CHCHD6: variants seen among roughly 807,000 people sequenced by gnomAD.
CHCHD6 encodes coiled-coil-helix-coiled-coil-helix domain containing 6, also known as MICOS complex subunit MIC25.
CHCHD6 carries 28 observed loss-of-function variants against 32.3 expected under a neutral mutation model. The observed-to-expected ratio is 0.87, with a 90% CI of 0.64 to 1.19. The LOEUF (loss-of-function observed/expected upper bound fraction) is 1.19. Ranked by LOEUF, CHCHD6 falls within the 50% of genes most tolerant of loss-of-function variation. The pLI is 0.00. For synonymous variants in CHCHD6, 122 were observed against 117.5 expected, an observed-to-expected ratio of 1.04 and a Z score of -0.25; for missense variants, 333 against 307.0, an observed-to-expected ratio of 1.08 and a Z score of -0.63.
chr3:126,839,236 G>A lies in CHCHD6; in HGVS notation c.412-13411G>A, dbSNP rs541549128. ...TTTACTCTGTGTCACTTGGAATAAA[G>A]CGGTAACACAATTTAGCCCCTAGCC... On this transcript the variant is annotated intron_variant, in intron 4 of 7. Coordinates refer to ENST00000290913, the MANE Select transcript of CHCHD6 (RefSeq NM_032343.3). Among the ~76,000 whole-genome samples, 20 of 152,222 alleles carry A rather than the reference G, an allele frequency of 1.3e-4. No homozygotes were observed. In the East Asian group the frequency reaches 3.5e-3, roughly 26 times the overall value.
intron 4 of CHCHD6, among the ~76,000 whole-genome samples, chr3:126,831,276 C>T (rs376029419): frequency 6.6e-6 from 1 of 152,088 alleles, no homozygotes; most frequent in Non-Finnish European, 1.5e-5. Context: ...CCGCCCACCT[C>T]GGCCTCCCAA....
intron 5 of CHCHD6, among the ~76,000 whole-genome samples, chr3:126,893,593 T>C (rs2077795939): frequency 6.6e-6 from 1 of 152,224 alleles, no homozygotes; most frequent in Admixed American, 6.5e-5. Context: ...AATGCAATGA[T>C]AGCAGGGCTC....
intron 4 of CHCHD6, among the ~76,000 whole-genome samples, chr3:126,754,612 T>C (rs1181818106): frequency 6.6e-6 from 1 of 152,210 alleles, no homozygotes; most frequent in Non-Finnish European, 1.5e-5. Flanking sequence ...AGGCTGCCTC[T>C]AACAGCTCGG....
chr3:126,805,897 A>ACTG lies in CHCHD6; in HGVS notation c.412-46749_412-46748insTGC, dbSNP rs1209850024. On this transcript the variant is annotated intron_variant, in intron 4 of 7. Transcript: ENST00000290913. ...GAACAGAGCCCTCAGAAATAATGCC[A>ACTG]CATATCTACAACTATTGATCTTTGA... is the stretch of plus-strand genomic sequence containing the variant. 3.3e-5 allele frequency among the ~76,000 whole-genome samples: 5 copies of ACTG among 152,308 alleles called. No individual in the cohort carries two copies. In the East Asian group the frequency reaches 9.6e-4, roughly 29 times the overall value.
At chr3:126,887,705 G>A (rs923893270) in intron 5 of CHCHD6, among the ~76,000 whole-genome samples, 1 of 152,134 alleles carries the variant, frequency 6.6e-6, no homozygotes, top group Non-Finnish European at 1.5e-5. Flanking sequence ...TGATGTCCCC[G>A]CTTCCCGGTG....
intron 5 of CHCHD6, among the ~76,000 whole-genome samples, chr3:126,899,790 C>G (rs915254676): frequency 3.2e-4 from 48 of 152,210 alleles, no homozygotes; most frequent in African/African-American, 1.1e-3. Context: ...GAGAGGAAAA[C>G]CATGCTTAGC....
At chr3:126,812,674 T>C (rs1939715414) in intron 4 of CHCHD6, among the ~76,000 whole-genome samples, 1 of 152,010 alleles carries the variant, frequency 6.6e-6, no homozygotes, top group African/African-American at 2.4e-5. Flanking sequence ...TCAGGTAATC[T>C]GCCTACCTCA....
chr3:126,743,653 C>G (rs914756189), intron 4 of CHCHD6, among the ~76,000 whole-genome samples: 60 of 152,180 alleles, frequency 3.9e-4, no homozygotes, highest in African/African-American at 1.4e-3. Flanking sequence ...CTCAGCTAGG[C>G]TCCTTGGCCT....
At chr3:126,801,413 C>A (rs78498571) in intron 4 of CHCHD6, among the ~76,000 whole-genome samples, 3 of 152,230 alleles carry the variant, frequency 2.0e-5, no homozygotes, top group Non-Finnish European at 4.4e-5. Flanking sequence ...GATTATATCC[C>A]GCACCTGGCT....
intron 2 of CHCHD6, among the ~76,000 whole-genome samples, chr3:126,727,974 TA>T (rs35326256): frequency 0.013 from 1,920 of 144,014 alleles, 26 homozygotes; most frequent in African/African-American, 0.038. Flanking sequence ...GTAACTCAAT[TA>T]AAAAAAAAAA....
intron 6 of CHCHD6, among the ~76,000 whole-genome samples, chr3:126,932,954 A>C (rs2078427820): frequency 6.6e-6 from 1 of 151,720 alleles, no homozygotes; most frequent in Non-Finnish European, 1.5e-5. Context: ...TTCTGAAAGG[A>C]GCATGGTCCT....
chr3:126,813,665 AC>A (rs150235021), intron 4 of CHCHD6, among the ~76,000 whole-genome samples: 2,748 of 152,246 alleles, frequency 0.018, 30 homozygotes, highest in Middle Eastern at 0.051. Flanking sequence ...GGGGGACCCC[AC>A]TCTCATGACC....
At chr3:126,915,125 G>A (rs1045644739) in intron 6 of CHCHD6, among the ~76,000 whole-genome samples, 5 of 152,240 alleles carry the variant, frequency 3.3e-5, no homozygotes, top group African/African-American at 1.2e-4. Context: ...CTCTGACTGT[G>A]GAGGGGTTTT....
At chr3:126,754,766 G>A (rs1336529530) in intron 4 of CHCHD6, among the ~76,000 whole-genome samples, 3 of 152,136 alleles carry the variant, frequency 2.0e-5, no homozygotes, top group Non-Finnish European at 2.9e-5. Context: ...AGTCCCCATC[G>A]AATCCACTTG....
At chr3:126,959,641 C>T (rs779765319) in intron 7 of CHCHD6, among the ~76,000 whole-genome samples, 1 of 152,204 alleles carries the variant, frequency 6.6e-6, no homozygotes, top group Non-Finnish European at 1.5e-5. Context: ...TGCCCTGGGG[C>T]TCCTAGGGCA....
intron 4 of CHCHD6, among the ~76,000 whole-genome samples, chr3:126,765,872 G>C (rs1474526681): frequency 1.3e-5 from 2 of 152,234 alleles, no homozygotes; most frequent in Admixed American, 6.5e-5. Flanking sequence ...AGGCAGCCAA[G>C]GGGAGAAACA....
At position 126,770,622 on chromosome 3, in the gene CHCHD6, C is replaced by T. The variant is rs116197286; in HGVS notation, c.411+37400C>T. Among the ~76,000 whole-genome samples the T allele has an allele frequency of 7.0e-3, 1,070 of 152,216 alleles. 13 individuals are homozygous for T. The highest frequency in any genetic ancestry group is 0.025 in the African/African-American group (1,022 of 41,542). On this transcript the variant is annotated intron_variant, in intron 4 of 7. Transcript: ENST00000290913. ...TTTTTAGTTCAGTGAATGGGTTGAA[C>T]CACATTTATTGATATGCGTATGTTG...
Position 126,922,717 on chromosome 3 carries a change from A to ATG in CHCHD6, c.566+7983_566+7984dup, listed in dbSNP as rs150511820. Among the ~76,000 whole-genome samples the ATG allele has an allele frequency of 1.4e-3, 207 of 145,706 alleles. 1 individual carries two copies. Among genetic ancestry groups the ATG allele is most frequent in the Admixed American group, 1.8e-3 (26 of 14,694 alleles). ...GGCATTGACTCCCGTGTGTATGTGT[A>ATG]TGTGTGTGTGTGTGTGTACACGTGC... On this transcript the variant is annotated intron_variant, in intron 6 of 7. Coordinates refer to ENST00000290913, the MANE Select transcript of CHCHD6 (RefSeq NM_032343.3).
chr3:126,748,366 G>A (rs140550039), intron 4 of CHCHD6, among the ~76,000 whole-genome samples: 4,632 of 152,224 alleles, frequency 0.03, 98 homozygotes, highest in Non-Finnish European at 0.04. Context: ...AAGCCAAGGC[G>A]GATGGATCAC....
Sources: gnomAD v4.1 joint callset for allele counts (sites outside exome capture counted in the v4.1 genomes callset) on GRCh38, gnomAD v4.1.1 for gene constraint, MANE v1.5 for transcripts, NCBI Gene and HGNC (gene_info 2026-07-23, HGNC 2026-07-21) for gene names.